The following PTPRG variants were observed in gnomAD, a reference collection of about 807,000 sequenced individuals.
PTPRG encodes protein tyrosine phosphatase receptor type G, also known as receptor-type tyrosine-protein phosphatase gamma.
In PTPRG, 102 loss-of-function variants were observed where a neutral mutation model predicts 165.3. That is an observed-to-expected ratio of 0.62 (90% CI 0.53 to 0.73). The LOEUF (loss-of-function observed/expected upper bound fraction) is 0.73. Among genes scored for constraint, PTPRG ranks in the 30% least tolerant of loss-of-function variants. The pLI, the probability that PTPRG is intolerant of heterozygous loss-of-function variation, is 0.00. For synonymous variants in PTPRG, 675 were observed against 669.5 expected (o/e 1.01, Z -0.13); for missense variants, 1,866 against 1,861.4 (o/e 1.00, Z -0.05).
chr3:62,123,316 G>C (rs1034542680), intron 5 of PTPRG, among the ~76,000 whole-genome samples: 3 of 152,138 alleles, frequency 2.0e-5, no homozygotes, highest in African/African-American at 7.2e-5. Context: ...CATTATCATA[G>C]CTCACTGTAG....
intron 1 of PTPRG, among the ~76,000 whole-genome samples, chr3:61,567,626 A>G (rs1023466574): frequency 6.8e-6 from 1 of 146,816 alleles, no homozygotes; most frequent in Non-Finnish European, 1.5e-5. Flanking sequence ...TGATCATGCC[A>G]CTGCACTCCA....
At position 62,283,333 on chromosome 3, in the gene PTPRG, G is replaced by A. The variant is rs115855369; in HGVS notation, c.4055+464G>A. On this transcript the variant is annotated intron_variant, in intron 28 of 29. Transcript: ENST00000474889. ...AATGATAATATTTAAAGTTCATGAT[G>A]TGTTTTAAAGTCTTCAGTACTGTCT... Among the ~76,000 whole-genome samples the A allele has an allele frequency of 4.5e-3, 679 of 152,172 alleles. 2 individuals carry two copies. Among genetic ancestry groups the A allele is most frequent in the Non-Finnish European group, 7.4e-3 (501 of 67,998 alleles).
At chr3:61,951,053 G>A (rs1206704067) in intron 2 of PTPRG, among the ~76,000 whole-genome samples, 1 of 152,202 alleles carries the variant, frequency 6.6e-6, no homozygotes, top group African/African-American at 2.4e-5. Context: ...ATTTTCGTAA[G>A]CAGTACAAGA....
chr3:61,798,283 A>G (rs2035118408), intron 2 of PTPRG, among the ~76,000 whole-genome samples: 1 of 152,172 alleles, frequency 6.6e-6, no homozygotes, highest in South Asian at 2.1e-4. Flanking sequence ...CTAAAATACC[A>G]ACTCAGCATG....
intron 2 of PTPRG, among the ~76,000 whole-genome samples, chr3:61,821,429 A>G (rs964799431): frequency 1.3e-5 from 2 of 152,176 alleles, no homozygotes; most frequent in African/African-American, 2.4e-5. Context: ...TCGGCCTCCC[A>G]AAGTGTTGGG....
chr3:61,687,434 T>C (rs929990986), intron 1 of PTPRG, among the ~76,000 whole-genome samples: 3 of 152,232 alleles, frequency 2.0e-5, no homozygotes, highest in Non-Finnish European at 4.4e-5. Flanking sequence ...GACTCCACCT[T>C]TGTCAAGGCC....
At chr3:62,211,395 A>C (rs1202621238) in intron 12 of PTPRG, among the ~76,000 whole-genome samples, 1 of 152,232 alleles carries the variant, frequency 6.6e-6, no homozygotes, top group Non-Finnish European at 1.5e-5. Flanking sequence ...CTGTTTTGCA[A>C]GATGAAAAAG....
In PTPRG at chr3:62,213,368, C is replaced by T. The variant is rs1214303891; in HGVS notation, c.2156-5483C>T. Among the ~76,000 whole-genome samples the T allele has an allele frequency of 6.6e-6, 1 of 152,202 alleles. No homozygotes were observed. The highest frequency in any genetic ancestry group is 1.5e-5 in the Non-Finnish European group (1 of 68,042). On this transcript the variant is annotated intron_variant, in intron 12 of 29. Transcript: ENST00000474889. The surrounding 1 kb of genome is among the most constrained non-coding windows in gnomAD (Gnocchi z 4.4). The stretch of plus-strand genomic sequence containing the variant: ...ATGCTTGCTTTCATACTGTCTCATA[C>T]TCTACTGTCACCTTCTCAAAACTCT...
intron 28 of PTPRG, among the ~76,000 whole-genome samples, chr3:62,290,285 C>T (rs1702834408): frequency 6.6e-6 from 1 of 152,026 alleles, no homozygotes; most frequent in Admixed American, 6.6e-5. Context: ...TGGTAATTTC[C>T]TCAGATCCAT....
intron 10 of PTPRG, among the ~76,000 whole-genome samples, chr3:62,196,774 C>T (rs1229648351): frequency 6.6e-6 from 1 of 152,104 alleles, no homozygotes; most frequent in Non-Finnish European, 1.5e-5. Context: ...TTAACCAGGC[C>T]AGTGGTGAAC....
In PTPRG at chr3:62,099,551, T is replaced by C. The variant is rs569923890; in HGVS notation, c.615+21293T>C. ...GACCATTAAAAATTACGCTTTATGTTCTTACACAGAAAGGTGGATGGAAAA... is the reference window on the plus strand; with the variant it reads ...GACCATTAAAAATTACGCTTTATGTCCTTACACAGAAAGGTGGATGGAAAA... On this transcript the variant is annotated intron_variant, in intron 5 of 29. Transcript: ENST00000474889. Among the ~76,000 whole-genome samples, 47 of 152,256 alleles carry C rather than the reference T, an allele frequency of 3.1e-4. 1 individual carries two copies. The highest frequency in any genetic ancestry group is 1.0e-3 in the Admixed American group (16 of 15,296).
At chr3:62,270,867 A>G (rs1287478748) in intron 20 of PTPRG, among the ~76,000 whole-genome samples, 2 of 152,264 alleles carry the variant, frequency 1.3e-5, no homozygotes, top group African/African-American at 4.8e-5. Flanking sequence ...AGTGACAGGT[A>G]AATGAGACAT....
intron 24 of PTPRG, 55 bp downstream of exon 24, chr3:62,276,021 T>A: frequency 1.5e-6 from 2 of 1,339,450 alleles, no homozygotes; most frequent in Non-Finnish European, 2.1e-6. Flanking sequence ...GTATGTTAGG[T>A]ACAGAGGCAG....
Position 61,871,158 on chromosome 3 carries a change from G to A in PTPRG, c.191-118467G>A, listed in dbSNP as rs371006706. Among the ~76,000 whole-genome samples the A allele has an allele frequency of 1.5e-3, 189 of 127,510 alleles. 3 individuals are homozygous for A. Among genetic ancestry groups the A allele is most frequent in the Middle Eastern group, 0.011 (3 of 262 alleles). The allele number at this position is 127,510 out of a possible 152,430, so 83.7% of individuals were successfully genotyped here. A position where few individuals can be genotyped will look rare whatever the true frequency, so the allele number is the denominator to read the frequency against. On this transcript the variant is annotated intron_variant, in intron 2 of 29. Transcript: ENST00000474889. ...GTGTTGTGTTGTGTTGTGTTGTGTTGTGTTGTGTTATGTTATGTTATGTTA... is the reference window on the plus strand; with the variant it reads ...GTGTTGTGTTGTGTTGTGTTGTGTTATGTTGTGTTATGTTATGTTATGTTA...
intron 2 of PTPRG, among the ~76,000 whole-genome samples, chr3:61,877,009 T>TA (rs1417859609): frequency 6.6e-6 from 1 of 151,802 alleles, no homozygotes; most frequent in African/African-American, 2.4e-5. Flanking sequence ...CATTAAGAAA[T>TA]ACCGCCTGTA....
intron 1 of PTPRG, among the ~76,000 whole-genome samples, chr3:61,694,170 T>C (rs1232153727): frequency 6.6e-6 from 1 of 152,144 alleles, no homozygotes; most frequent in Non-Finnish European, 1.5e-5. Context: ...GAAGAATGCA[T>C]GCTAAGACGT....
At chr3:61,627,406 A>C (rs1701643539) in intron 1 of PTPRG, among the ~76,000 whole-genome samples, 1 of 152,150 alleles carries the variant, frequency 6.6e-6, no homozygotes, top group African/African-American at 2.4e-5. Flanking sequence ...TGAATGTTGG[A>C]AATACAATAG....
rs376158273 is a variant in PTPRG, at chr3:61,938,441, A to G, written c.191-51184A>G. On this transcript the variant is annotated intron_variant, in intron 2 of 29. Coordinates refer to ENST00000474889, the MANE Select transcript of PTPRG (RefSeq NM_002841.4). The stretch of plus-strand genomic sequence containing the variant: ...CATACATTTCCCTGGAGTTTGATGT[A>G]AATTGAAATTTATTATGAATCAAAT... Among the ~76,000 whole-genome samples, 8 of 152,282 alleles carry G rather than the reference A, an allele frequency of 5.3e-5. 1 individual carries two copies. The highest frequency in any genetic ancestry group is 1.9e-4 in the African/African-American group (8 of 41,560).
chr3:61,999,288 C>T (rs1559738020), intron 3 of PTPRG, among the ~76,000 whole-genome samples: 6 of 152,062 alleles, frequency 3.9e-5, no homozygotes, highest in Admixed American at 2.6e-4. Flanking sequence ...CTCAGGTGAT[C>T]CGCCCCCCTC....
Sources: allele counts gnomAD v4.1 joint callset (sites outside exome capture counted in the v4.1 genomes callset), GRCh38; gene constraint gnomAD v4.1.1; non-coding constraint Gnocchi (gnomAD v3.1); transcripts MANE v1.5; gene names NCBI Gene and HGNC (gene_info 2026-07-23, HGNC 2026-07-21).